The following IKZF1 variants were observed in gnomAD, a reference collection of about 807,000 sequenced individuals.
The protein encoded by IKZF1 is IKAROS family zinc finger 1.
In IKZF1, 10 loss-of-function variants were observed where a neutral mutation model predicts 51.7. The observed-to-expected ratio is 0.19, with a 90% CI of 0.12 to 0.33. IKZF1 has a LOEUF of 0.33. IKZF1 is among the 10% of genes least tolerant of loss of function. The pLI, the probability that IKZF1 is intolerant of heterozygous loss-of-function variation, is 1.00. For synonymous variants in IKZF1, 280 were observed against 282.3 expected (o/e 0.99, Z 0.08); for missense variants, 484 against 707.5 (o/e 0.68, Z 3.58).
chr7:50,338,227 A>G (rs1480248390), intron 3 of IKZF1, among the ~76,000 whole-genome samples: 2 of 152,246 alleles, frequency 1.3e-5, no homozygotes, highest in Non-Finnish European at 2.9e-5. Context: ...ATAAACAAAA[A>G]CCAATGTTAA....
At chr7:50,388,456 G>A (rs1429909065) in intron 6 of IKZF1, 4 of 152,242 alleles carry the variant, frequency 2.6e-5, no homozygotes, top group African/African-American at 4.8e-5. Context: ...ATTCCAATTA[G>A]TCTTGGCATG....
intron 2 of IKZF1, among the ~76,000 whole-genome samples, chr7:50,323,367 A>G (rs955844250): frequency 5.9e-5 from 9 of 152,206 alleles, no homozygotes; most frequent in Non-Finnish European, 1.2e-4. Context: ...TTGAGCTTGT[A>G]TTTACCCAGA....
chr7:50,318,622 C>T lies in IKZF1; in HGVS notation c.-14-426C>T, dbSNP rs534593322. 4.2e-5 allele frequency: 9 copies of T among 216,554 alleles called. No individual in the cohort carries two copies. The South Asian group carries it at 5.5e-4, about 13-fold the overall frequency. 13.4% of individuals were successfully genotyped at this position (216,554 alleles called of 1,614,324 possible). The stretch of plus-strand genomic sequence containing the variant: ...TCGTTTTTTGATTGCTGATTGTACG[C>T]GTGTCACCAAGCTGACTCAAGGTTC... On this transcript the variant is annotated intron_variant, in intron 1 of 7. Transcript: ENST00000331340.
chr7:50,376,879 T>C lies in IKZF1; in HGVS notation c.421+86T>C. On this transcript the variant is annotated intron_variant, in intron 4 of 7. Coordinates refer to ENST00000331340, the MANE Select transcript of IKZF1 (RefSeq NM_006060.6). This position sits in a 1 kb window ranked among gnomAD's most constrained non-coding sequence, Gnocchi z 4.5. The stretch of plus-strand genomic sequence containing the variant: ...GGAAAGCATCCTGTCTTCCTTGTGT[T>C]CTGAGCATGTTTCTAATTGACTGGT... The C allele has an allele frequency of 1.3e-6, 2 of 1,540,700 alleles. No individual in the cohort carries two copies. Among genetic ancestry groups the C allele is most frequent in the East Asian group, 4.6e-5 (2 of 43,936 alleles).
At chr7:50,317,786 A>G (rs527596787) in intron 1 of IKZF1, among the ~76,000 whole-genome samples, 1 of 152,302 alleles carries the variant, frequency 6.6e-6, no homozygotes, top group Non-Finnish European at 1.5e-5. Context: ...GGAGTGATAG[A>G]TATATTATAT....
At chr7:50,351,881 G>T (rs1801947446) in intron 3 of IKZF1, among the ~76,000 whole-genome samples, 2 of 151,888 alleles carry the variant, frequency 1.3e-5, no homozygotes, top group Admixed American at 1.3e-4. Context: ...CCCATGCCAA[G>T]ATTCTTTAAA....
intron 3 of IKZF1, among the ~76,000 whole-genome samples, chr7:50,359,965 A>G (rs1336939689): frequency 1.3e-5 from 2 of 152,238 alleles, no homozygotes; most frequent in Admixed American, 1.3e-4. Flanking sequence ...ATTTCTCAGC[A>G]GAGTATTACA....
At chr7:50,389,742 A>G (rs10240938) in intron 6 of IKZF1, among the ~76,000 whole-genome samples, 3,355 of 152,300 alleles carry the variant, frequency 0.022, 107 homozygotes, top group African/African-American at 0.075. Flanking sequence ...GGACTTTGAC[A>G]GAAGTCTTCC....
intron 3 of IKZF1, chr7:50,368,383 A>C (rs1317434535): frequency 9.0e-6 from 6 of 668,550 alleles, no homozygotes; most frequent in Non-Finnish European, 1.6e-5. Flanking sequence ...CTTTTTATTG[A>C]GTGTGAGGAT....
At chr7:50,385,427 G>A (rs781541339) in intron 5 of IKZF1, among the ~76,000 whole-genome samples, 2 of 152,224 alleles carry the variant, frequency 1.3e-5, no homozygotes, top group Non-Finnish European at 2.9e-5. Flanking sequence ...TAGCATGTTA[G>A]CAGGGATAGA....
intron 1 of IKZF1, among the ~76,000 whole-genome samples, chr7:50,314,620 T>C (rs1274504633): frequency 1.3e-5 from 2 of 152,246 alleles, no homozygotes; most frequent in Admixed American, 1.3e-4. Context: ...TTCATTTGTC[T>C]AGACTCAGCT....
intron 3 of IKZF1, among the ~76,000 whole-genome samples, chr7:50,356,121 T>C (rs1803300464): frequency 6.6e-6 from 1 of 152,266 alleles, no homozygotes. Flanking sequence ...CCTAAACGCA[T>C]CTACCCCGAT....
chr7:50,373,109 T>C lies in IKZF1; in HGVS notation c.161-3424T>C, dbSNP rs114171948. ...TCTGGCTTTGAGAACATCTGTGATA[T>C]CTAAGGCAGCATCCATTGTGGGCTT... On this transcript the variant is annotated intron_variant, in intron 3 of 7. Transcript: ENST00000331340. Among the ~76,000 whole-genome samples the C allele has an allele frequency of 2.0e-3, 302 of 152,336 alleles. 4 individuals carry two copies. The highest frequency in any genetic ancestry group is 7.2e-3 in the African/African-American group (299 of 41,576).
chr7:50,398,373 A>C (rs1485869468), intron 7 of IKZF1, among the ~76,000 whole-genome samples: 1 of 151,508 alleles, frequency 6.6e-6, no homozygotes, highest in Non-Finnish European at 1.5e-5. Context: ...CACTGCCCCC[A>C]CCTAGGGCTC....
chr7:50,346,879 G>A (rs1455551134), intron 3 of IKZF1, among the ~76,000 whole-genome samples: 2 of 152,156 alleles, frequency 1.3e-5, no homozygotes, highest in Non-Finnish European at 2.9e-5. Context: ...GAGCTGAGCA[G>A]GAATAACACC....
At position 50,402,018 on chromosome 7, in the gene IKZF1, A is replaced by G. The variant is rs929283429; in HGVS notation, c.*1391A>G. 29 of 229,530 alleles carry G rather than the reference A, an allele frequency of 1.3e-4. No individual in the cohort carries two copies. Among genetic ancestry groups the G allele is most frequent in the African/African-American group, 6.4e-4 (29 of 45,112 alleles). The allele number at this position is 229,530 out of a possible 1,614,324, so 14.2% of individuals were successfully genotyped here. ...GAGTAATGCCACCAGATCCCCTAGGAAAGAGGAGGCAAATGGCACTGCAGG... is the reference window on the plus strand; with the variant it reads ...GAGTAATGCCACCAGATCCCCTAGGGAAGAGGAGGCAAATGGCACTGCAGG... On this transcript the variant is annotated 3_prime_UTR_variant, in exon 8 of 8. Transcript: ENST00000331340.
intron 1 of IKZF1, among the ~76,000 whole-genome samples, chr7:50,313,142 C>G (rs954865424): frequency 6.6e-6 from 1 of 152,140 alleles, no homozygotes. Flanking sequence ...TTTTAAAATA[C>G]AGTGTAATTC....
intron 3 of IKZF1, among the ~76,000 whole-genome samples, chr7:50,343,811 T>C (rs1562784068): frequency 6.6e-6 from 1 of 152,244 alleles, no homozygotes; most frequent in Non-Finnish European, 1.5e-5. Flanking sequence ...TCTCCCTGTT[T>C]TGATTACCTT....
intron 4 of IKZF1, among the ~76,000 whole-genome samples, chr7:50,382,068 G>T (rs1811992590): frequency 6.6e-6 from 1 of 152,186 alleles, no homozygotes; most frequent in Admixed American, 6.5e-5. Context: ...TTAAATATAA[G>T]AATGTAACGC....
Sources: gnomAD v4.1 joint callset for allele counts (sites outside exome capture counted in the v4.1 genomes callset) on GRCh38, gnomAD v4.1.1 for gene constraint, Gnocchi (gnomAD v3.1) non-coding constraint, MANE v1.5 for transcripts, NCBI Gene and HGNC (gene_info 2026-07-23, HGNC 2026-07-21) for gene names.